The following GRM3 variants were observed in gnomAD, a reference collection of about 807,000 sequenced individuals.
The protein encoded by GRM3 is glutamate metabotropic receptor 3, also known as metabotropic glutamate receptor 3.
A neutral mutation model predicts 70.5 loss-of-function variants in GRM3; 26 were observed. The observed-to-expected ratio is 0.37, with a 90% CI of 0.27 to 0.51. GRM3 has a LOEUF of 0.51. GRM3 is among the 20% of genes least tolerant of loss of function. The pLI, the probability that GRM3 is intolerant of heterozygous loss-of-function variation, is 0.93. For synonymous variants in GRM3, 443 were observed against 434.9 expected, an observed-to-expected ratio of 1.02 and a Z score of -0.23; for missense variants, 859 against 1,123.8, an observed-to-expected ratio of 0.76 and a Z score of 3.37.
At chr7:86,787,664 C>T (rs1422794276) in intron 3 of GRM3, among the ~76,000 whole-genome samples, 1 of 152,128 alleles carries the variant, frequency 6.6e-6, no homozygotes, top group Non-Finnish European at 1.5e-5. Context: ...GTTTATTTTT[C>T]TGCTATACCA....
chr7:86,855,128 T>C (rs1798822631), intron 5 of GRM3, among the ~76,000 whole-genome samples: 1 of 152,196 alleles, frequency 6.6e-6, no homozygotes, highest in East Asian at 1.9e-4. Context: ...AAAGAGGTCA[T>C]TTTTATTCTC....
At position 86,767,271 on chromosome 7, in the gene GRM3, G is replaced by A. The variant is rs576939807; in HGVS notation, c.468+1658G>A. ...GATAGATACATAAAATAAAATTCTAGGTATAATTCTTTGTGGTTCTCTATG... is the reference window on the plus strand; with the variant it reads ...GATAGATACATAAAATAAAATTCTAAGTATAATTCTTTGTGGTTCTCTATG... On this transcript the variant is annotated intron_variant, in intron 2 of 5. Transcript: ENST00000361669. Among the ~76,000 whole-genome samples, 123 of 151,522 alleles carry A rather than the reference G, an allele frequency of 8.1e-4. 1 individual carries two copies. The highest frequency in any genetic ancestry group is 2.9e-3 in the African/African-American group (121 of 41,358).
chr7:86,658,728 C>T (rs552060637), intron 1 of GRM3, among the ~76,000 whole-genome samples: 1 of 151,918 alleles, frequency 6.6e-6, no homozygotes, highest in Non-Finnish European at 1.5e-5. Context: ...CACTCTGGAG[C>T]AAATTTTCCT....
chr7:86,658,136 T>C (rs1371017518), intron 1 of GRM3, among the ~76,000 whole-genome samples: 1 of 152,232 alleles, frequency 6.6e-6, no homozygotes, highest in Admixed American at 6.5e-5. Context: ...TCCAGGGCTC[T>C]GCAAGAGCCA....
chr7:86,685,691 G>C (rs1268520977), intron 1 of GRM3, among the ~76,000 whole-genome samples: 1 of 152,100 alleles, frequency 6.6e-6, no homozygotes, highest in African/African-American at 2.4e-5. Flanking sequence ...TGGATCACAA[G>C]ATCAGGAGAA....
chr7:86,805,275 A>G (rs1797766499), intron 3 of GRM3, among the ~76,000 whole-genome samples: 1 of 152,052 alleles, frequency 6.6e-6, no homozygotes, highest in African/African-American at 2.4e-5. Context: ...TTTTAAAACT[A>G]GACTTTATTT....
intron 5 of GRM3, among the ~76,000 whole-genome samples, chr7:86,852,936 T>C (rs1798780646): frequency 1.3e-5 from 2 of 152,188 alleles, no homozygotes; most frequent in Admixed American, 6.6e-5. Context: ...TTCCTGACTT[T>C]CAATTAAAAA....
In GRM3 at chr7:86,765,289, C is replaced by T. The variant is rs374811037; in HGVS notation, c.144C>T (p.Asn48=). The T allele has an allele frequency of 1.9e-5, 31 of 1,613,496 alleles. No homozygotes were observed. Among genetic ancestry groups the T allele is most frequent in the East Asian group, 4.5e-5 (2 of 44,864 alleles). The stretch of plus-strand genomic sequence containing the variant: ...TTTTAGGGGGCCTGTTTCCTATTAA[C>T]GAAAAAGGCACTGGAACTGAAGAAT... ...DLVLGGLFPI[N]EKGTGTEECG... Residue 48 remains asparagine, a synonymous_variant, in exon 2 of 6, where the codon AAC becomes AAT. Coordinates refer to ENST00000361669, the MANE Select transcript of GRM3 (RefSeq NM_000840.3).
intron 5 of GRM3, among the ~76,000 whole-genome samples, chr7:86,856,414 C>A (rs985716910): frequency 6.7e-6 from 1 of 150,198 alleles, no homozygotes; most frequent in African/African-American, 2.5e-5. Context: ...CCACTGCACT[C>A]CAGCCTGGGA....
intron 2 of GRM3, among the ~76,000 whole-genome samples, chr7:86,770,585 A>G (rs749848063): frequency 6.6e-6 from 1 of 152,064 alleles, no homozygotes; most frequent in Non-Finnish European, 1.5e-5. Context: ...TCCCTCTATT[A>G]TACCCCCTTC....
At chr7:86,718,291 T>A (rs764965392) in intron 1 of GRM3, among the ~76,000 whole-genome samples, 3 of 151,940 alleles carry the variant, frequency 2.0e-5, no homozygotes, top group Admixed American at 6.6e-5. Flanking sequence ...AGCCACCACC[T>A]AAGATTTGAA....
intron 1 of GRM3, among the ~76,000 whole-genome samples, chr7:86,737,372 G>A (rs1025738381): frequency 1.3e-5 from 2 of 152,166 alleles, no homozygotes; most frequent in Non-Finnish European, 1.5e-5. Flanking sequence ...AACACAAGAG[G>A]TTACAGAAGT....
At chr7:86,729,148 T>A (rs377309574) in intron 1 of GRM3, among the ~76,000 whole-genome samples, 1 of 152,218 alleles carries the variant, frequency 6.6e-6, no homozygotes, top group South Asian at 2.1e-4. Context: ...TGAAGAATGC[T>A]GATGACCCTT....
chr7:86,711,420 G>A (rs940811758), intron 1 of GRM3, among the ~76,000 whole-genome samples: 11 of 151,906 alleles, frequency 7.2e-5, no homozygotes, highest in Admixed American at 6.6e-4. Context: ...TTATTTGGTG[G>A]CATGTTAAAT....
intron 1 of GRM3, among the ~76,000 whole-genome samples, chr7:86,730,691 A>T (rs1225523120): frequency 6.6e-6 from 1 of 152,230 alleles, no homozygotes; most frequent in African/African-American, 2.4e-5. Flanking sequence ...AGATCTTAAA[A>T]ATAGGCCGTT....
At position 86,864,638 on chromosome 7, in the gene GRM3, CAAAAAAAAAAAACA is replaced by C. The variant is rs879218767; in HGVS notation, c.*301_*314del. On this transcript the variant is annotated 3_prime_UTR_variant, in exon 6 of 6. Transcript: ENST00000361669. ...CTGACATGGTCAGTCTACTAAAAAA[CAAAAAAAAAAAACA>C]AAAAAAAAAAAACAAAAGAAAAAAA... 0.01 allele frequency: 477 copies of C among 45,696 alleles called. 1 individual carries two copies. Among genetic ancestry groups the C allele is most frequent in the African/African-American group, 0.022 (218 of 9,832 alleles). 2.8% of individuals were successfully genotyped at this position (45,696 alleles called of 1,614,324 possible).
Position 86,644,360 on chromosome 7 carries a change from C to G in GRM3, c.-653C>G. The G allele has an allele frequency of 3.4e-6, 1 of 290,130 alleles. No homozygotes were observed. Among genetic ancestry groups the G allele is most frequent in the South Asian group, 3.0e-5 (1 of 32,928 alleles). 18.0% of individuals were successfully genotyped at this position (290,130 alleles called of 1,614,324 possible). A position where few individuals can be genotyped will look rare whatever the true frequency, so the allele number is the denominator to read the frequency against. The stretch of plus-strand genomic sequence containing the variant: ...GGAAAGAATGAAAAGGAGAGGATGC[C>G]AGGAGGTCCGTGCTTCTGCCAAGAG... On this transcript the variant is annotated 5_prime_UTR_variant, in exon 1 of 6. Coordinates refer to ENST00000361669, the MANE Select transcript of GRM3 (RefSeq NM_000840.3).
chr7:86,789,589 T>C (rs2190299), intron 3 of GRM3, among the ~76,000 whole-genome samples: 18,117 of 152,208 alleles, frequency 0.12, 1,770 homozygotes, highest in African/African-American at 0.27. Context: ...CTAACTTGAA[T>C]ATTGTGGCAA....
intron 1 of GRM3, among the ~76,000 whole-genome samples, chr7:86,682,949 C>T (rs1794476356): frequency 6.6e-6 from 1 of 152,124 alleles, no homozygotes; most frequent in African/African-American, 2.4e-5. Context: ...AGTTACCATG[C>T]TGAGGGGCTT....
Sources: allele counts gnomAD v4.1 joint callset (sites outside exome capture counted in the v4.1 genomes callset), GRCh38; gene constraint gnomAD v4.1.1; transcripts MANE v1.5; gene names NCBI Gene and HGNC (gene_info 2026-07-23, HGNC 2026-07-21).